PLEKHG3: variants seen among roughly 807,000 people sequenced by gnomAD.
PLEKHG3 encodes pleckstrin homology domain-containing family G member 3.
Under a neutral mutation model 94.9 loss-of-function variants are expected in PLEKHG3, and 62 were observed. That is an observed-to-expected ratio of 0.65 (90% CI 0.53 to 0.81). PLEKHG3 has a LOEUF of 0.81. Among genes scored for constraint, PLEKHG3 ranks in the 30% least tolerant of loss-of-function variants. The pLI, the probability that PLEKHG3 is intolerant of heterozygous loss-of-function variation, is 0.00. For synonymous variants in PLEKHG3, 614 were observed against 654.0 expected (o/e 0.94, Z 0.93); for missense variants, 1,461 against 1,619.3 (o/e 0.90, Z 1.68).
rs1555359440 is a variant in PLEKHG3, at chr14:64,716,496, A to ACC, written c.-39-11097_-39-11096insCC. ...ACACACACACAACACACACACACAC[A>ACC]ACACACACACACACACACACACACA... On this transcript the variant is annotated intron_variant, in intron 1 of 16. Coordinates refer to ENST00000247226, the MANE Select transcript of PLEKHG3 (RefSeq NM_001308147.2). This position sits in a 1 kb window ranked among gnomAD's most constrained non-coding sequence, Gnocchi z 5.0. Among the ~76,000 whole-genome samples the ACC allele has an allele frequency of 3.8e-5, 3 of 79,500 alleles. No homozygotes were observed. Among genetic ancestry groups the ACC allele is most frequent in the African/African-American group, 1.0e-4 (2 of 19,598 alleles). The allele number at this position is 79,500 out of a possible 152,430, so 52.2% of individuals were successfully genotyped here. A position where few individuals can be genotyped will look rare whatever the true frequency, so the allele number is the denominator to read the frequency against.
At position 64,716,228 on chromosome 14, in the gene PLEKHG3, G is replaced by A. The variant is rs543723337; in HGVS notation, c.-39-11365G>A. On this transcript the variant is annotated intron_variant, in intron 1 of 16. Transcript: ENST00000247226. This position sits in a 1 kb window ranked among gnomAD's most constrained non-coding sequence, Gnocchi z 5.0. ...TCACAGGCTTTAGGGTAAAAGGCAGGTTTTTCCCTTGTGGGTTAGACACTG... is the reference window on the plus strand; with the variant it reads ...TCACAGGCTTTAGGGTAAAAGGCAGATTTTTCCCTTGTGGGTTAGACACTG... 6.4e-5 allele frequency: 23 copies of A among 357,736 alleles called. No homozygotes were observed. In the Admixed American group the frequency reaches 7.8e-4, roughly 12 times the overall value. 22.2% of individuals were successfully genotyped at this position (357,736 alleles called of 1,614,324 possible).
Position 64,741,020 on chromosome 14 carries a change from T to C in PLEKHG3, c.1519-16T>C, listed in dbSNP as rs2081675364. On this transcript the variant is annotated splice_polypyrimidine_tract_variant and intron_variant, in intron 15 of 16. Transcript: ENST00000247226. Reference sequence around the variant, plus strand: ...GAGGCTTTTTACTCATGTGAGCCTTTTCTGCTATGTTTCAGGTTGAGCCGG... The same window carrying C: ...GAGGCTTTTTACTCATGTGAGCCTTCTCTGCTATGTTTCAGGTTGAGCCGG... 2 of 1,550,370 alleles carry C rather than the reference T, an allele frequency of 1.3e-6. No homozygotes were observed. The highest frequency in any genetic ancestry group is 2.0e-5 in the Admixed American group (1 of 50,660).
At chr14:64,736,134 G>A (rs17180111) in intron 12 of PLEKHG3, among the ~76,000 whole-genome samples, 4,092 of 152,348 alleles carry the variant, frequency 0.027, 87 homozygotes, top group Middle Eastern at 0.071. Flanking sequence ...CAAGGATATG[G>A]ATAGGCGAAG....
In PLEKHG3 at chr14:64,721,450, C is replaced by T. The variant is rs886397176; in HGVS notation, c.-39-6143C>T. On this transcript the variant is annotated intron_variant, in intron 1 of 16. Coordinates refer to ENST00000247226, the MANE Select transcript of PLEKHG3 (RefSeq NM_001308147.2). The surrounding 1 kb of genome is among the most constrained non-coding windows in gnomAD (Gnocchi z 4.3). ...GCTCCCCTGGCAACACAATCCTTTT[C>T]CTTCCTGGCAGCTGTGGTCCTGCTG... 2.0e-5 allele frequency among the ~76,000 whole-genome samples: 3 copies of T among 152,204 alleles called. No homozygotes were observed. The highest frequency in any genetic ancestry group is 4.4e-5 in the Non-Finnish European group (3 of 68,032).
rs747257015 is a variant in PLEKHG3 at position 64,727,851 on chromosome 14, C to T, written c.220C>T (p.Pro74Ser). Residue 74 changes from proline (P) to serine (S), a missense_variant, in exon 2 of 17, where the codon CCC (proline) becomes TCC (serine). By Grantham distance (74) the Pro-to-Ser change is moderately conservative. This residue lies in a region of PLEKHG3 where 253 missense variants were observed against 297.8 expected (regional missense o/e 0.85). Transcript: ENST00000247226. This position sits in a 1 kb window ranked among gnomAD's most constrained non-coding sequence, Gnocchi z 6.0. ...CAGCAGCTGGTTGAACGTGAAGGGG[C>T]CCCTCTCCCCGTTCAACAGCCGGGC... ...NSSSWLNVKG[P>S]LSPFNSRAAA... 1.2e-6 allele frequency: 2 copies of T among 1,613,212 alleles called. No homozygotes were observed. The highest frequency in any genetic ancestry group is 1.7e-5 in the Admixed American group (1 of 60,014).
rs562524278 is a variant in PLEKHG3, at chr14:64,721,189, C to G, written c.-39-6404C>G. Among the ~76,000 whole-genome samples the G allele has an allele frequency of 4.6e-5, 7 of 152,278 alleles. No homozygotes were observed. The East Asian group carries it at 1.4e-3, about 29-fold the overall frequency. ...GTATGTTGGGAAATGGTTGAGGAGG[C>G]CTTTCTCTGAAGGAGATGATTGCTA... On this transcript the variant is annotated intron_variant, in intron 1 of 16. Coordinates refer to ENST00000247226, the MANE Select transcript of PLEKHG3 (RefSeq NM_001308147.2). The surrounding 1 kb of genome is among the most constrained non-coding windows in gnomAD (Gnocchi z 4.3).
intron 13 of PLEKHG3, 120 bp downstream of exon 13, chr14:64,737,011 G>T: frequency 1.2e-6 from 1 of 812,668 alleles, no homozygotes; most frequent in Non-Finnish European, 2.1e-6. Context: ...AGTGTAGAGG[G>T]AACTCTGCCT....
In PLEKHG3 at chr14:64,710,003, C is replaced by A. The variant is rs140824477; in HGVS notation, c.-40+5299C>A. ...GTTAACCTGTAGTCAGCTGTTCTGA[C>A]AGTGGGACAGGAAGCCCTGTATTCC... is the stretch of plus-strand genomic sequence containing the variant. On this transcript the variant is annotated intron_variant, in intron 1 of 16. Transcript: ENST00000247226. Among the ~76,000 whole-genome samples, 677 of 152,300 alleles carry A rather than the reference C, an allele frequency of 4.4e-3. 7 individuals carry two copies. The highest frequency in any genetic ancestry group is 0.015 in the African/African-American group (642 of 41,560).
intron 1 of PLEKHG3, among the ~76,000 whole-genome samples, chr14:64,712,380 G>T (rs2081076695): frequency 6.6e-6 from 1 of 152,014 alleles, no homozygotes; most frequent in African/African-American, 2.4e-5. Context: ...GCTATATTTT[G>T]ATAGAGATTG....
chr14:64,749,850 C>T lies in PLEKHG3; in HGVS notation c.*6147C>T. The T allele has an allele frequency of 6.7e-7, 1 of 1,494,186 alleles. No individual in the cohort carries two copies. The highest frequency in any genetic ancestry group is 9.3e-7 in the Non-Finnish European group (1 of 1,079,768). 92.6% of individuals were successfully genotyped at this position (1,494,186 alleles called of 1,614,324 possible). On this transcript the variant is annotated 3_prime_UTR_variant, in exon 17 of 17. Coordinates refer to ENST00000247226, the MANE Select transcript of PLEKHG3 (RefSeq NM_001308147.2). The surrounding 1 kb of genome is among the most constrained non-coding windows in gnomAD (Gnocchi z 4.7). ...GAGAGGTCAAAGTCTGGACCATCAG[C>T]CTCTTTGATTTGAAAAACCCCTGAG...
In PLEKHG3 at chr14:64,728,088, G is replaced by C; in HGVS notation, c.351+106G>C. On this transcript the variant is annotated intron_variant, in intron 2 of 16. Coordinates refer to ENST00000247226, the MANE Select transcript of PLEKHG3 (RefSeq NM_001308147.2). The surrounding 1 kb of genome is among the most constrained non-coding windows in gnomAD (Gnocchi z 5.9). ...TTCCCATAAAGTAGTTGGAGAACTGGGGTCTCCCACCCTCGCTGACTGCAC... is the reference window on the plus strand; with the variant it reads ...TTCCCATAAAGTAGTTGGAGAACTGCGGTCTCCCACCCTCGCTGACTGCAC... 1.4e-6 allele frequency: 1 copy of C among 729,556 alleles called. No homozygotes were observed. Among genetic ancestry groups the C allele is most frequent in the East Asian group, 2.8e-5 (1 of 36,042 alleles). 45.2% of individuals were successfully genotyped at this position (729,556 alleles called of 1,614,324 possible).
chr14:64,705,974 A>G (rs1340947264), intron 1 of PLEKHG3, among the ~76,000 whole-genome samples: 1 of 152,206 alleles, frequency 6.6e-6, no homozygotes, highest in African/African-American at 2.4e-5. Flanking sequence ...AAGATAGGAC[A>G]ACCCATTAGC....
intron 1 of PLEKHG3, among the ~76,000 whole-genome samples, chr14:64,709,952 A>G (rs1010058347): frequency 3.9e-5 from 6 of 152,206 alleles, no homozygotes; most frequent in Non-Finnish European, 5.9e-5. Flanking sequence ...TGTTCCTGAC[A>G]GAGAATGTCC....
chr14:64,717,112 C>CGTGTGTGTGTGT lies in PLEKHG3; in HGVS notation c.-39-10455_-39-10444dup, dbSNP rs3063751. On this transcript the variant is annotated intron_variant, in intron 1 of 16. Coordinates refer to ENST00000247226, the MANE Select transcript of PLEKHG3 (RefSeq NM_001308147.2). This position sits in a 1 kb window ranked among gnomAD's most constrained non-coding sequence, Gnocchi z 4.7. ...GGCTGGCCGCCTTTGGGAATTTACA[C>CGTGTGTGTGTGT]GTGTGTGTGTGTGTGTGTGTGTGTG... 1.5e-3 allele frequency among the ~76,000 whole-genome samples: 223 copies of CGTGTGTGTGTGT among 144,366 alleles called. No individual in the cohort carries two copies. Among genetic ancestry groups the CGTGTGTGTGTGT allele is most frequent in the South Asian group, 3.7e-3 (16 of 4,346 alleles). The allele number at this position is 144,366 out of a possible 152,430, so 94.7% of individuals were successfully genotyped here.
At chr14:64,708,114 G>C (rs2081002550) in intron 1 of PLEKHG3, among the ~76,000 whole-genome samples, 1 of 152,102 alleles carries the variant, frequency 6.6e-6, no homozygotes, top group Admixed American at 6.5e-5. Context: ...AGAAAACCTT[G>C]GCAAAAACTT....
In PLEKHG3 at chr14:64,731,572, C is replaced by T; in HGVS notation, c.1032+29C>T. ...ACCAGGCCCTGCCCCATCTCCTCTG[C>T]CATCTTCTCTCCTTCCCAAAGGATC... is the stretch of plus-strand genomic sequence containing the variant. On this transcript the variant is annotated intron_variant, in intron 8 of 16. Coordinates refer to ENST00000247226, the MANE Select transcript of PLEKHG3 (RefSeq NM_001308147.2). The surrounding 1 kb of genome is among the most constrained non-coding windows in gnomAD (Gnocchi z 6.1). 1.2e-6 allele frequency: 2 copies of T among 1,604,306 alleles called. No individual in the cohort carries two copies. The highest frequency in any genetic ancestry group is 1.7e-6 in the Non-Finnish European group (2 of 1,171,376).
At position 64,731,226 on chromosome 14, in the gene PLEKHG3, C is replaced by T. The variant is rs2081456394; in HGVS notation, c.849+57C>T. 2.0e-6 allele frequency: 3 copies of T among 1,532,552 alleles called. No individual in the cohort carries two copies. In the Admixed American group the frequency reaches 5.2e-5, roughly 26 times the overall value. The allele number at this position is 1,532,552 out of a possible 1,614,324, so 94.9% of individuals were successfully genotyped here. A position where few individuals can be genotyped will look rare whatever the true frequency, so the allele number is the denominator to read the frequency against. ...CAGGGCTGGGTGGGCCAGGCTTCCG[C>T]TGGGAAGAGGGACTGTGGCCACCCT... is the stretch of plus-strand genomic sequence containing the variant. On this transcript the variant is annotated intron_variant, in intron 7 of 16. Transcript: ENST00000247226. The surrounding 1 kb of genome is among the most constrained non-coding windows in gnomAD (Gnocchi z 6.1).
chr14:64,736,181 C>T (rs2081565103), intron 12 of PLEKHG3, among the ~76,000 whole-genome samples: 1 of 152,202 alleles, frequency 6.6e-6, no homozygotes, highest in Non-Finnish European at 1.5e-5. Context: ...GAGACAAGGT[C>T]CTCTTATTCC....
At chr14:64,735,634 CA>C (rs1566710720) in intron 12 of PLEKHG3, among the ~76,000 whole-genome samples, 1 of 152,084 alleles carries the variant, frequency 6.6e-6, no homozygotes, top group Non-Finnish European at 1.5e-5. Context: ...CAAAACAAAA[CA>C]AAAAAAGAAA....
Sources: allele counts gnomAD v4.1 joint callset (sites outside exome capture counted in the v4.1 genomes callset), GRCh38; gene constraint gnomAD v4.1.1; regional missense constraint gnomAD v4.1.1; non-coding constraint Gnocchi (gnomAD v3.1); transcripts MANE v1.5; gene names NCBI Gene and HGNC (gene_info 2026-07-23, HGNC 2026-07-21).